The following IFT172 variants were observed in gnomAD, a reference collection of about 807,000 sequenced individuals.
The protein encoded by IFT172 is intraflagellar transport protein 172 homolog.
A neutral mutation model predicts 248.9 loss-of-function variants in IFT172; 164 were observed. The observed-to-expected ratio is 0.66, with a 90% CI of 0.58 to 0.75. IFT172 has a LOEUF of 0.75. Ranked by LOEUF, IFT172 falls within the 30% of genes least tolerant of loss-of-function variation. IFT172 has a pLI of 0.00. For synonymous variants in IFT172, 729 were observed against 791.6 expected (o/e 0.92, Z 1.33); for missense variants, 1,950 against 2,192.4 (o/e 0.89, Z 2.21).
At chr2:27,459,573 A>G in intron 24 of IFT172, 51 bp from the exon 25 acceptor site, 6 of 1,609,018 alleles carry the variant, frequency 3.7e-6, no homozygotes, top group Non-Finnish European at 5.1e-6. Context: ...ATGAAGATGA[A>G]TGGAGGTAAA....
At chr2:27,468,397 TA>T (rs1667282229) in intron 16 of IFT172, among the ~76,000 whole-genome samples, 1 of 151,570 alleles carries the variant, frequency 6.6e-6, no homozygotes, top group Non-Finnish European at 1.5e-5. Flanking sequence ...CATGCCCAGG[TA>T]ATTTTTGTTC....
chr2:27,481,125 G>C lies in IFT172; in HGVS notation c.706C>G (p.Arg236Gly), dbSNP rs146290725. 6.8e-6 allele frequency: 11 copies of C among 1,613,844 alleles called. No homozygotes were observed. The Admixed American group carries it at 1.5e-4, about 22-fold the overall frequency. The change falls in exon 8 of 48, where the codon CGT (arginine) becomes GGT (glycine). Residue 236 changes from arginine to glycine, a missense_variant. Arg to Gly is a moderately radical substitution (Grantham distance 125). Transcript: ENST00000260570. ...GTGAACTCCCGCTCCTGAGGGTCAC[G>C]GCTATAATCAAAAGTTTGTAGCATG... The part of the protein sequence containing the change: ...GHMLQTFDYS[R>G]DPQEREFTTA...
chr2:27,449,484 C>G lies in IFT172; in HGVS notation c.4224+15G>C. The G allele has an allele frequency of 3.1e-6, 5 of 1,614,150 alleles. No individual in the cohort carries two copies. The highest frequency in any genetic ancestry group is 4.2e-6 in the Non-Finnish European group (5 of 1,180,018). ...CTCCCTGCATTCTGCCTCCTGCTAA[C>G]TCTCCAAGTCTCACCGAGTCCACTT... On this transcript the variant is annotated intron_variant, in intron 38 of 47. Coordinates refer to ENST00000260570, the MANE Select transcript of IFT172 (RefSeq NM_015662.3).
Position 27,444,507 on chromosome 2 carries a change from T to C in IFT172, c.5175A>G (p.Pro1725=). The C allele has an allele frequency of 1.2e-6, 2 of 1,613,554 alleles. No individual in the cohort carries two copies. The highest frequency in any genetic ancestry group is 1.7e-6 in the Non-Finnish European group (2 of 1,179,716). Residue 1725 remains proline, a synonymous_variant, in exon 48 of 48, where the codon CCA becomes CCG. Coordinates refer to ENST00000260570, the MANE Select transcript of IFT172 (RefSeq NM_015662.3). The part of the protein sequence containing the change: ...FLMAIKTSHS[P]VCQDVLKFIS... The stretch of plus-strand genomic sequence containing the variant: ...TGAATTTCAGCACGTCCTGGCACAC[T>C]GGGCTGTGGGAGGTCTGTGAGCAAA...
rs376213191 is a variant in IFT172 at position 27,480,009 on chromosome 2, G to T, written c.909+17C>A. On this transcript the variant is annotated intron_variant, in intron 9 of 47. Coordinates refer to ENST00000260570, the MANE Select transcript of IFT172 (RefSeq NM_015662.3). ...GGTGAAAGTCACCAATCCAGAAAGGGATTACTAGTAACACACCACACAGAG... is the reference window on the plus strand; with the variant it reads ...GGTGAAAGTCACCAATCCAGAAAGGTATTACTAGTAACACACCACACAGAG... 6.2e-6 allele frequency: 10 copies of T among 1,608,074 alleles called. No individual in the cohort carries two copies. The highest frequency in any genetic ancestry group is 8.5e-6 in the Non-Finnish European group (10 of 1,177,694).
chr2:27,460,970 G>C, intron 23 of IFT172, 45 bp downstream of exon 23: 1 of 1,612,290 alleles, frequency 6.2e-7, no homozygotes, highest in Non-Finnish European at 8.5e-7. Flanking sequence ...AACCAGATGG[G>C]CAAGAGTCCA....
intron 43 of IFT172, 27 bp from the exon 44 acceptor site, chr2:27,446,015 G>C (rs1173415035): frequency 6.2e-7 from 1 of 1,613,794 alleles, no homozygotes; most frequent in African/African-American, 1.3e-5. Context: ...TTGCAAATGG[G>C]AGTGAACAAG....
At position 27,461,854 on chromosome 2, in the gene IFT172, A is replaced by G; in HGVS notation, c.2116-18T>C. ...ACAGCATTCTAGGGGAAACAGGCAG[A>G]GCAGAGAGGGACACCAGAAAGATAT... On this transcript the variant is annotated intron_variant, in intron 20 of 47. Transcript: ENST00000260570. 1 of 1,614,030 alleles carries G rather than the reference A, an allele frequency of 6.2e-7. No homozygotes were observed. Among genetic ancestry groups the G allele is most frequent in the Non-Finnish European group, 8.5e-7 (1 of 1,179,880 alleles).
Position 27,453,348 on chromosome 2 carries a change from G to T in IFT172, c.3951+36C>A, listed in dbSNP as rs764723004. 3.1e-6 allele frequency: 5 copies of T among 1,613,566 alleles called. 1 individual carries two copies. The Admixed American group carries it at 8.3e-5, about 27-fold the overall frequency. On this transcript the variant is annotated intron_variant, in intron 35 of 47. Transcript: ENST00000260570. The stretch of plus-strand genomic sequence containing the variant: ...GAGCCAAGTGTGAATAGAGGCCTAG[G>T]GAGAAGGAGGGCCAGAAAGGGCCTG...
intron 15 of IFT172, 56 bp from the exon 16 acceptor site, chr2:27,471,151 G>C (rs1369289815): frequency 1.3e-6 from 2 of 1,554,404 alleles, no homozygotes; most frequent in African/African-American, 2.8e-5. Context: ...GTTGTCTCCT[G>C]CTTTTGACCA....
At chr2:27,464,423 A>C (rs780205028) in intron 18 of IFT172, among the ~76,000 whole-genome samples, 1 of 152,198 alleles carries the variant, frequency 6.6e-6, no homozygotes, top group Non-Finnish European at 1.5e-5. Flanking sequence ...CTATGGTTAT[A>C]TAAGTTGGTA....
chr2:27,479,745 C>T, intron 9 of IFT172, 141 bp from the exon 10 acceptor site: 1 of 721,290 alleles, frequency 1.4e-6, no homozygotes, highest in Non-Finnish European at 2.3e-6. Context: ...TTTGGAATTA[C>T]CAAAAGGAAA....
At chr2:27,450,951 GTT>G (rs60390986) in intron 35 of IFT172, among the ~76,000 whole-genome samples, 1,526 of 143,238 alleles carry the variant, frequency 0.011, 19 homozygotes, top group African/African-American at 0.035. Flanking sequence ...ATTTTTACCT[GTT>G]TTTTTTTTTT....
chr2:27,457,440 G>A (rs1442828160), intron 29 of IFT172, among the ~76,000 whole-genome samples, 199 bp downstream of exon 29: 1 of 152,114 alleles, frequency 6.6e-6, no homozygotes, highest in Non-Finnish European at 1.5e-5. Context: ...CTGTGGTGGT[G>A]CACACCTATA....
At chr2:27,477,939 C>T (rs1668086429) in intron 11 of IFT172, 56 bp downstream of exon 11, 2 of 1,602,746 alleles carry the variant, frequency 1.2e-6, no homozygotes, top group Non-Finnish European at 1.7e-6. Context: ...TGGGTCCCCA[C>T]AAATATTAAG....
At chr2:27,489,132 A>C (rs968136514) in intron 1 of IFT172, among the ~76,000 whole-genome samples, 14 of 152,210 alleles carry the variant, frequency 9.2e-5, no homozygotes, top group African/African-American at 3.4e-4. Context: ...TAGGACTTAA[A>C]TTCTGGTGTG....
In IFT172 at chr2:27,478,135, A is replaced by G. The variant is rs1252865853; in HGVS notation, c.1027T>C (p.Ser343Pro). Residue 343 changes from serine to proline, a missense_variant, in exon 11 of 48, where the codon TCA (serine) becomes CCA (proline). Physicochemically the swap from Ser to Pro is moderately conservative, Grantham distance 74 (BLOSUM62 -1). Around this residue, in one of 3 missense-constraint regions of IFT172, gnomAD observed 1,166 missense variants for 1,254.1 expected, o/e 0.93. Coordinates refer to ENST00000260570, the MANE Select transcript of IFT172 (RefSeq NM_015662.3). Reference sequence around the variant, plus strand: ...GACTTGAGCACCACTCGGGTTCCTGATGACAGGTTCTTCACAATCACCTTG... The same window carrying G: ...GACTTGAGCACCACTCGGGTTCCTGGTGACAGGTTCTTCACAATCACCTTG... ...PSQVIVKNLS[S>P]GTRVVLKSHY... The G allele has an allele frequency of 1.2e-6, 2 of 1,614,134 alleles. No homozygotes were observed. Among genetic ancestry groups the G allele is most frequent in the East Asian group, 4.5e-5 (2 of 44,884 alleles).
chr2:27,446,147 C>G, intron 43 of IFT172, 113 bp downstream of exon 43: 1 of 1,324,590 alleles, frequency 7.5e-7, no homozygotes, highest in Non-Finnish European at 1.1e-6. Flanking sequence ...GGACTACATC[C>G]TCCGTAACAT....
intron 1 of IFT172, among the ~76,000 whole-genome samples, chr2:27,487,828 G>A (rs1668873629): frequency 6.6e-6 from 1 of 152,076 alleles, no homozygotes; most frequent in Non-Finnish European, 1.5e-5. Flanking sequence ...CGGGTGATCT[G>A]CCTGCCTCGG....
Sources: gnomAD v4.1 joint callset for allele counts (sites outside exome capture counted in the v4.1 genomes callset) on GRCh38, gnomAD v4.1.1 for gene constraint, gnomAD v4.1.1 regional missense constraint, MANE v1.5 for transcripts, NCBI Gene and HGNC (gene_info 2026-07-23, HGNC 2026-07-21) for gene names.